The following SMYD3 variants were observed in gnomAD, a reference collection of about 807,000 sequenced individuals.
The protein encoded by SMYD3 is SET and MYND domain containing 3, also known as histone-lysine N-methyltransferase SMYD3.
Under a neutral mutation model 57.7 loss-of-function variants are expected in SMYD3, and 36 were observed. That is an observed-to-expected ratio of 0.62 (90% confidence interval 0.48 to 0.82). SMYD3 has a LOEUF of 0.82. SMYD3 is among the 40% of genes least tolerant of loss of function. SMYD3 has a pLI of 0.00. For missense variants in SMYD3, 515 were observed against 538.8 expected, an observed-to-expected ratio of 0.96 and a Z score of 0.44; for synonymous variants, 211 against 195.0, an observed-to-expected ratio of 1.08 and a Z score of -0.68.
intron 5 of SMYD3, among the ~76,000 whole-genome samples, chr1:245,965,597 T>G (rs2058121007): frequency 6.6e-6 from 1 of 152,194 alleles, no homozygotes; most frequent in African/African-American, 2.4e-5. Context: ...TGGTAGAACC[T>G]TAAATGCATA....
intron 10 of SMYD3, among the ~76,000 whole-genome samples, chr1:245,797,193 A>G (rs1285449114): frequency 6.6e-6 from 1 of 152,176 alleles, no homozygotes; most frequent in African/African-American, 2.4e-5. Context: ...ACCCAAAGGA[A>G]TATCAATCAT....
chr1:246,436,634 G>A (rs1463063301), intron 1 of SMYD3, among the ~76,000 whole-genome samples: 1 of 152,122 alleles, frequency 6.6e-6, no homozygotes, highest in African/African-American at 2.4e-5. Flanking sequence ...ATTTAGGCAG[G>A]TGTCTTGCCT....
chr1:245,861,631 C>G (rs1572535081), intron 9 of SMYD3, among the ~76,000 whole-genome samples: 2 of 152,308 alleles, frequency 1.3e-5, no homozygotes, highest in South Asian at 2.1e-4. Flanking sequence ...AATGCATGTT[C>G]TGCGCGTCTG....
chr1:246,017,218 T>C (rs2059393143), intron 5 of SMYD3, among the ~76,000 whole-genome samples: 1 of 152,190 alleles, frequency 6.6e-6, no homozygotes, highest in African/African-American at 2.4e-5. Flanking sequence ...AAGAATAGAA[T>C]AGTATAACTT....
At chr1:246,008,728 G>C (rs900212121) in intron 5 of SMYD3, among the ~76,000 whole-genome samples, 2 of 152,048 alleles carry the variant, frequency 1.3e-5, no homozygotes, top group Non-Finnish European at 2.9e-5. Context: ...CTTGGTGCTG[G>C]CAATTTTCTC....
At chr1:245,832,733 A>G (rs1371523219) in intron 10 of SMYD3, among the ~76,000 whole-genome samples, 2 of 152,164 alleles carry the variant, frequency 1.3e-5, no homozygotes, top group Non-Finnish European at 2.9e-5. Context: ...TAAACTTATG[A>G]TCTTGGTCTC....
intron 10 of SMYD3, among the ~76,000 whole-genome samples, chr1:245,840,183 C>T (rs575349631): frequency 6.6e-6 from 1 of 151,982 alleles, no homozygotes; most frequent in Admixed American, 6.5e-5. Context: ...TAAAGGAAGA[C>T]AAGAATGTTT....
intron 5 of SMYD3, among the ~76,000 whole-genome samples, chr1:246,004,074 A>G (rs969284529): frequency 1.8e-5 from 1 of 57,068 alleles, no homozygotes; most frequent in African/African-American, 3.3e-5. Context: ...CCTGTCTCCT[A>G]TCTGTAAAAT....
At chr1:246,056,300 A>C (rs2060149772) in intron 5 of SMYD3, among the ~76,000 whole-genome samples, 1 of 152,092 alleles carries the variant, frequency 6.6e-6, no homozygotes, top group African/African-American at 2.4e-5. Flanking sequence ...CCAGTTTTCT[A>C]TTTCATAGGA....
At chr1:246,365,702 C>T (rs2066090066) in intron 1 of SMYD3, among the ~76,000 whole-genome samples, 1 of 151,956 alleles carries the variant, frequency 6.6e-6, no homozygotes, top group Admixed American at 6.6e-5. Flanking sequence ...CAAAATATGA[C>T]TGGGTGGAAA....
rs371154444 is a variant in SMYD3, at chr1:246,094,943, G to A, written c.532-165006C>T. On this transcript the variant is annotated intron_variant, in intron 5 of 11. Coordinates refer to ENST00000490107, the MANE Select transcript of SMYD3 (RefSeq NM_001167740.2). ...GGACTTTCCTCTTCTGTGGCCCTGAGTGTTTACGGCAAGCCCCGCATTGGT... is the reference window on the plus strand; with the variant it reads ...GGACTTTCCTCTTCTGTGGCCCTGAATGTTTACGGCAAGCCCCGCATTGGT... 4.6e-5 allele frequency among the ~76,000 whole-genome samples: 7 copies of A among 152,030 alleles called. No individual in the cohort carries two copies. In the East Asian group the frequency reaches 7.7e-4, roughly 17 times the overall value.
At chr1:246,453,251 G>C (rs576222133) in intron 1 of SMYD3, among the ~76,000 whole-genome samples, 1 of 152,140 alleles carries the variant, frequency 6.6e-6, no homozygotes. Flanking sequence ...TTCCAGAGCC[G>C]GTGCTTCTCA....
chr1:246,273,575 CTT>C (rs75025399), intron 5 of SMYD3, among the ~76,000 whole-genome samples: 12 of 84,370 alleles, frequency 1.4e-4, no homozygotes, highest in African/African-American at 1.9e-4. Context: ...TTTCACTAAT[CTT>C]TTTTTTTTTT....
At chr1:246,159,677 C>T (rs1427021976) in intron 5 of SMYD3, among the ~76,000 whole-genome samples, 1 of 152,148 alleles carries the variant, frequency 6.6e-6, no homozygotes. Flanking sequence ...GTGCGAAGTC[C>T]CTTGTGGGAT....
At chr1:245,886,776 A>G (rs1309730908) in intron 8 of SMYD3, among the ~76,000 whole-genome samples, 1 of 152,120 alleles carries the variant, frequency 6.6e-6, no homozygotes, top group Non-Finnish European at 1.5e-5. Context: ...TTGGTTCTAC[A>G]CACACTCACG....
chr1:246,245,279 G>T (rs921334235), intron 5 of SMYD3, among the ~76,000 whole-genome samples: 1 of 151,930 alleles, frequency 6.6e-6, no homozygotes, highest in African/African-American at 2.4e-5. Flanking sequence ...CCTGTCTCTA[G>T]TAAAAACACA....
At chr1:246,121,010 G>A (rs868625100) in intron 5 of SMYD3, among the ~76,000 whole-genome samples, 3 of 152,162 alleles carry the variant, frequency 2.0e-5, no homozygotes, top group Admixed American at 2.0e-4. Flanking sequence ...CTACAGTGGG[G>A]ATACAAAAAC....
At chr1:246,019,663 T>C (rs758541449) in intron 5 of SMYD3, among the ~76,000 whole-genome samples, 4 of 152,222 alleles carry the variant, frequency 2.6e-5, no homozygotes, top group Non-Finnish European at 4.4e-5. Flanking sequence ...ATATCTAGAT[T>C]ACCTAGGTCC....
At chr1:246,118,216 C>T (rs1276788627) in intron 5 of SMYD3, among the ~76,000 whole-genome samples, 1 of 152,074 alleles carries the variant, frequency 6.6e-6, no homozygotes, top group Non-Finnish European at 1.5e-5. Flanking sequence ...TTTTCCAGAA[C>T]TCAAATGTCA....
Sources: allele counts gnomAD v4.1 joint callset (sites outside exome capture counted in the v4.1 genomes callset), GRCh38; gene constraint gnomAD v4.1.1; transcripts MANE v1.5; gene names NCBI Gene and HGNC (gene_info 2026-07-23, HGNC 2026-07-21).